The following RAB38 variants were observed in gnomAD, a reference collection of about 807,000 sequenced individuals.
RAB38 encodes the protein ras-related protein Rab-38.
In RAB38, 15 loss-of-function variants were observed where a neutral mutation model predicts 18.4. The ratio of observed to expected loss-of-function variants is 0.82; its 90% CI spans 0.55 to 1.26. The LOEUF is 1.26. RAB38 is among the 50% of genes most tolerant of loss of function. RAB38 has a pLI of 0.00. For missense variants in RAB38, 294 were observed against 267.4 expected (o/e 1.10, Z -0.69); for synonymous variants, 101 against 104.4 (o/e 0.97, Z 0.20).
chr11:87,887,305 C>T, the RAB38 span, among the ~76,000 whole-genome samples: 12 of 151,588 alleles, frequency 7.9e-5, no homozygotes, highest in South Asian at 2.5e-3. Flanking sequence ...TCTTTAGCAA[C>T]TTACTGCTGC....
chr11:87,961,156 G>A, the RAB38 span, among the ~76,000 whole-genome samples: 4 of 152,180 alleles, frequency 2.6e-5, no homozygotes, highest in South Asian at 4.2e-4. Flanking sequence ...TGTGGCGTTG[G>A]ACCTCCTTTC....
chr11:87,960,427 A>G, the RAB38 span, among the ~76,000 whole-genome samples: 2 of 152,096 alleles, frequency 1.3e-5, no homozygotes, highest in African/African-American at 4.8e-5. Context: ...TTCAAAGGAC[A>G]GAAGCCCTGG....
chr11:88,013,175 A>T, the RAB38 span, among the ~76,000 whole-genome samples: 14 of 151,486 alleles, frequency 9.2e-5, no homozygotes, highest in Non-Finnish European at 1.9e-4. Flanking sequence ...ATACAGAATG[A>T]AACTTTAATA....
chr11:87,946,538 C>A, the RAB38 span, among the ~76,000 whole-genome samples: 4 of 152,198 alleles, frequency 2.6e-5, no homozygotes, highest in East Asian at 3.9e-4. Flanking sequence ...TATCCCTCCC[C>A]CCTCGCCCCA....
At chr11:88,167,750 C>T (rs1943262641) in intron 1 of RAB38, 1 of 152,000 alleles carries the variant, frequency 6.6e-6, no homozygotes, top group Non-Finnish European at 1.5e-5. Context: ...ATGAGTAAAA[C>T]TCAATTATTA....
chr11:88,151,188 T>C (rs529967063), intron 1 of RAB38, among the ~76,000 whole-genome samples: 43 of 152,336 alleles, frequency 2.8e-4, no homozygotes, highest in African/African-American at 1.0e-3. Context: ...AATAATAATA[T>C]GTACTGCAGA....
chr11:87,943,023 C>A, the RAB38 span, among the ~76,000 whole-genome samples: 1 of 151,986 alleles, frequency 6.6e-6, no homozygotes, highest in Non-Finnish European at 1.5e-5. Flanking sequence ...ATGGGTAATT[C>A]TCGCATAAGC....
chr11:88,169,695 G>C (rs552374577), intron 1 of RAB38, among the ~76,000 whole-genome samples: 1 of 152,340 alleles, frequency 6.6e-6, no homozygotes, highest in South Asian at 2.1e-4. Context: ...TGCTAGGTAA[G>C]AGCACAAGAA....
At chr11:87,974,340 A>T in the RAB38 span, among the ~76,000 whole-genome samples, 1 of 150,908 alleles carries the variant, frequency 6.6e-6, no homozygotes, top group East Asian at 1.9e-4. Context: ...AGAATTGAAA[A>T]CCATAACCCT....
chr11:87,821,166 G>C, the RAB38 span, among the ~76,000 whole-genome samples: 1 of 151,970 alleles, frequency 6.6e-6, no homozygotes, highest in Admixed American at 6.6e-5. Flanking sequence ...TTAAAAAGCC[G>C]GGCACATTAT....
chr11:88,075,899 A>C, the RAB38 span, among the ~76,000 whole-genome samples: 48 of 152,028 alleles, frequency 3.2e-4, no homozygotes, highest in African/African-American at 1.0e-3. Context: ...GAAAACAAAA[A>C]AAAAAAAGCA....
chr11:87,816,423 C>T, the RAB38 span: 2 of 152,308 alleles, frequency 1.3e-5, no homozygotes, highest in South Asian at 4.2e-4. Context: ...ATTGGCTATA[C>T]TGTGGCAATG....
intron 2 of RAB38, among the ~76,000 whole-genome samples, chr11:88,140,451 C>G (rs1942896558): frequency 6.6e-6 from 1 of 152,186 alleles, no homozygotes; most frequent in South Asian, 2.1e-4. Flanking sequence ...TCTTTTCCAT[C>G]CAATAAACAC....
At chr11:87,866,474 A>G in the RAB38 span, among the ~76,000 whole-genome samples, 6 of 151,614 alleles carry the variant, frequency 4.0e-5, no homozygotes, top group Admixed American at 3.9e-4. Flanking sequence ...CTTTGACTCT[A>G]TTTTTACCTT....
the RAB38 span, among the ~76,000 whole-genome samples, chr11:88,047,930 C>A: frequency 6.6e-6 from 1 of 152,196 alleles, no homozygotes; most frequent in Admixed American, 6.5e-5. Flanking sequence ...GCCTCACAGG[C>A]CCATTCTATT....
intron 1 of RAB38, among the ~76,000 whole-genome samples, chr11:88,164,509 G>A (rs915688156): frequency 6.6e-6 from 1 of 152,076 alleles, no homozygotes; most frequent in Admixed American, 6.6e-5. Flanking sequence ...TGGTATGGTA[G>A]TGGCATCCAC....
the RAB38 span, among the ~76,000 whole-genome samples, chr11:87,958,708 G>C: frequency 1.3e-5 from 2 of 152,230 alleles, no homozygotes; most frequent in East Asian, 3.9e-4. Flanking sequence ...AGGAATTTTT[G>C]ATGTCAAGAC....
chr11:87,860,217 A>T, the RAB38 span, among the ~76,000 whole-genome samples: 1 of 152,074 alleles, frequency 6.6e-6, no homozygotes, highest in East Asian at 1.9e-4. Flanking sequence ...ACTATAAATA[A>T]GAGCAATACT....
the RAB38 span, among the ~76,000 whole-genome samples, chr11:87,859,371 C>CT: frequency 6.6e-6 from 1 of 151,540 alleles, no homozygotes; most frequent in African/African-American, 2.4e-5. Flanking sequence ...TGTATGCACT[C>CT]TAATATAATG....
Sources: gnomAD v4.1 joint callset for allele counts (sites outside exome capture counted in the v4.1 genomes callset) on GRCh38, gnomAD v4.1.1 for gene constraint, MANE v1.5 for transcripts, NCBI Gene and HGNC (gene_info 2026-07-23, HGNC 2026-07-21) for gene names.